The following ADGRG7 variants were observed in gnomAD, a reference collection of about 807,000 sequenced individuals.
ADGRG7 encodes the protein adhesion G protein-coupled receptor G7, also known as G-protein coupled receptor 128.
ADGRG7 carries 82 observed loss-of-function variants against 88.6 expected under a neutral mutation model. The observed-to-expected ratio is 0.93, with a 90% confidence interval of 0.77 to 1.11. The LOEUF is 1.11. Among genes scored for constraint, ADGRG7 ranks in the 50% most tolerant of loss-of-function variants. The probability of loss-of-function intolerance (pLI) is 0.00; values close to 1 mark genes in which losing one functional copy is unlikely to be tolerated. For synonymous variants in ADGRG7, 381 were observed against 345.2 expected (o/e 1.10, Z -1.15); for missense variants, 945 against 953.4 (o/e 0.99, Z 0.12).
At chr3:100,622,871 C>T (rs147081069) in intron 1 of ADGRG7, among the ~76,000 whole-genome samples, 2 of 152,036 alleles carry the variant, frequency 1.3e-5, no homozygotes, top group African/African-American at 2.4e-5. Flanking sequence ...AAGCCATCCT[C>T]CTGCCTCAGC....
At chr3:100,612,624 C>A (rs551124553) in intron 1 of ADGRG7, among the ~76,000 whole-genome samples, 6 of 152,152 alleles carry the variant, frequency 3.9e-5, no homozygotes, top group Admixed American at 6.5e-5. Context: ...TTCTTTAACT[C>A]CTCCCAAAGG....
chr3:100,659,837 T>A lies in ADGRG7; in HGVS notation c.1973T>A (p.Leu658Gln). The change falls in exon 14 of 16, where the codon CTG becomes CAG. Residue 658 changes from leucine (L) to glutamine (Q), a missense_variant. Leu to Gln is a moderately radical substitution (Grantham distance 113). Transcript: ENST00000273352. ...IKVLWKNNQNLTSTKKVSSMK... is the reference protein window; with the variant it reads ...IKVLWKNNQNQTSTKKVSSMK... ...GTGCTGTGGAAGAATAACCAGAACC[T>A]GACAAGGTAAGATTCCCAATGAATG... 6.2e-7 allele frequency: 1 copy of A among 1,613,470 alleles called. No homozygotes were observed. The highest frequency in any genetic ancestry group is 8.5e-7 in the Non-Finnish European group (1 of 1,179,742).
chr3:100,644,684 TAA>T (rs1168839170), intron 8 of ADGRG7, among the ~76,000 whole-genome samples: 1 of 142,276 alleles, frequency 7.0e-6, no homozygotes, highest in Non-Finnish European at 1.5e-5. Context: ...CCCTGCTAAT[TAA>T]AAAAAAAAAA....
intron 14 of ADGRG7, 41 bp downstream of exon 14, chr3:100,659,884 A>T: frequency 6.3e-7 from 1 of 1,595,100 alleles, no homozygotes; most frequent in Non-Finnish European, 8.6e-7. Context: ...GGCAAGGCTC[A>T]TCCAGCACTT....
intron 6 of ADGRG7, 49 bp downstream of exon 6, chr3:100,637,451 C>A: frequency 8.3e-7 from 1 of 1,206,280 alleles, no homozygotes; most frequent in Non-Finnish European, 1.2e-6. Context: ...GGGCTGTTTA[C>A]TTTCCTAGGC....
intron 11 of ADGRG7, among the ~76,000 whole-genome samples, chr3:100,653,168 G>A (rs1393457715): frequency 6.6e-6 from 1 of 152,150 alleles, no homozygotes; most frequent in Non-Finnish European, 1.5e-5. Context: ...ATTTAAAAAA[G>A]CAGTAATCAT....
chr3:100,665,049 A>G (rs1317653698), intron 14 of ADGRG7: 7 of 481,650 alleles, frequency 1.5e-5, no homozygotes, highest in East Asian at 6.0e-5. Context: ...AGAAGTTCAC[A>G]TTAGTGGAAA....
At chr3:100,610,492 G>C (rs569772267) in intron 1 of ADGRG7, among the ~76,000 whole-genome samples, 1 of 152,282 alleles carries the variant, frequency 6.6e-6, no homozygotes, top group East Asian at 1.9e-4. Context: ...CCAGATGTAG[G>C]AAACTAATCA....
chr3:100,634,863 C>T (rs1019972302), intron 4 of ADGRG7, among the ~76,000 whole-genome samples: 7 of 152,190 alleles, frequency 4.6e-5, no homozygotes, highest in African/African-American at 1.7e-4. Context: ...TAGCACATAG[C>T]AGGGATCTAG....
At chr3:100,625,793 G>A (rs779703781) in intron 1 of ADGRG7, among the ~76,000 whole-genome samples, 2 of 152,162 alleles carry the variant, frequency 1.3e-5, no homozygotes, top group South Asian at 2.1e-4. Flanking sequence ...TGATCATGTG[G>A]TTTTTGTCAT....
At chr3:100,632,992 A>G (rs1032789473) in intron 3 of ADGRG7, among the ~76,000 whole-genome samples, 2 of 152,174 alleles carry the variant, frequency 1.3e-5, no homozygotes, top group African/African-American at 2.4e-5. Flanking sequence ...CTCTCAGCCT[A>G]GCATTCTCTC....
At chr3:100,612,908 T>C (rs1707173925) in intron 1 of ADGRG7, among the ~76,000 whole-genome samples, 1 of 152,200 alleles carries the variant, frequency 6.6e-6, no homozygotes, top group Admixed American at 6.5e-5. Flanking sequence ...ATTTTTGTTT[T>C]GAGAAGGAGT....
At chr3:100,669,938 T>A (rs758570187) in intron 15 of ADGRG7, among the ~76,000 whole-genome samples, 2 of 152,028 alleles carry the variant, frequency 1.3e-5, no homozygotes, top group Admixed American at 1.3e-4. Context: ...CTTGGGAGGC[T>A]GAGGCAGGGG....
At position 100,694,745 on chromosome 3, in the gene ADGRG7, G is replaced by C; in HGVS notation, c.2138G>C (p.Gly713Ala). 6.2e-7 allele frequency: 1 copy of C among 1,613,124 alleles called. No individual in the cohort carries two copies. The highest frequency in any genetic ancestry group is 8.5e-7 in the Non-Finnish European group (1 of 1,179,306). ...YIFCLFNTTQ[G>A]LQIFILYTVR... Reference sequence around the variant, plus strand: ...ATTAAACTTTTGTTCTATCTGCAGGGATTGCAAATTTTTATCCTGTACACT... The same window carrying C: ...ATTAAACTTTTGTTCTATCTGCAGGCATTGCAAATTTTTATCCTGTACACT... Residue 713 changes from glycine (G) to alanine (A), a missense_variant and splice_region_variant, in exon 16 of 16, where the codon GGA becomes GCA. Coordinates refer to ENST00000273352, the MANE Select transcript of ADGRG7 (RefSeq NM_032787.3).
intron 1 of ADGRG7, among the ~76,000 whole-genome samples, chr3:100,617,640 G>T (rs1455573414): frequency 6.6e-6 from 1 of 152,152 alleles, no homozygotes; most frequent in African/African-American, 2.4e-5. Context: ...TTGGTTCCAA[G>T]TCTTTGCTAT....
intron 15 of ADGRG7, among the ~76,000 whole-genome samples, chr3:100,692,723 T>C (rs2094996009): frequency 6.6e-6 from 1 of 152,046 alleles, no homozygotes; most frequent in African/African-American, 2.4e-5. Context: ...AATGGAGTAG[T>C]GGGGCAATAT....
chr3:100,654,922 T>A lies in ADGRG7; in HGVS notation c.1467T>A (p.Ile489=). ...LIFNLLFVFG[I]ENSNKNLQTS... is the part of the protein sequence containing the mutation. ...TCAACCTCCTCTTTGTGTTTGGAAT[T>A]GAAAACTCCAATAAGAACTTGCAGA... is the stretch of plus-strand genomic sequence containing the variant. Residue 489 remains isoleucine (I), a synonymous_variant, in exon 12 of 16, where the codon ATT becomes ATA. Transcript: ENST00000273352. The A allele has an allele frequency of 6.2e-7, 1 of 1,614,170 alleles. No homozygotes were observed. Among genetic ancestry groups the A allele is most frequent in the South Asian group, 1.1e-5 (1 of 91,084 alleles).
chr3:100,622,994 C>A (rs9827049), intron 1 of ADGRG7, among the ~76,000 whole-genome samples: 1,643 of 151,636 alleles, frequency 0.011, 26 homozygotes, highest in African/African-American at 0.038. Context: ...AAACTCCTGA[C>A]GTCAGATAAT....
rs1707678800 is a variant in ADGRG7 at position 100,643,405 on chromosome 3, G to A, written c.838G>A (p.Gly280Arg). The A allele has an allele frequency of 6.2e-7, 1 of 1,613,790 alleles. No homozygotes were observed. Among genetic ancestry groups the A allele is most frequent in the Non-Finnish European group, 8.5e-7 (1 of 1,179,858 alleles). The stretch of plus-strand genomic sequence containing the variant: ...AAATGTTCGCTTCTCTGTGCAGAAA[G>A]GTGAGCTGTTAATCTTATGTGCTTG... Reference protein sequence around the residue: ...PSNVRFSVQKGASSSLVSSST... With the variant: ...PSNVRFSVQKRASSSLVSSST... The change falls in exon 7 of 16, where the codon GGA becomes AGA. Residue 280 changes from glycine (G) to arginine (R), a missense_variant and splice_region_variant. Transcript: ENST00000273352.
Sources: allele counts gnomAD v4.1 joint callset (sites outside exome capture counted in the v4.1 genomes callset), GRCh38; gene constraint gnomAD v4.1.1; transcripts MANE v1.5; gene names NCBI Gene and HGNC (gene_info 2026-07-23, HGNC 2026-07-21).